ITGB3BP: variants seen among roughly 807,000 people sequenced by gnomAD.
ITGB3BP encodes the protein integrin subunit beta 3 binding protein.
A neutral mutation model predicts 29.1 loss-of-function variants in ITGB3BP; 27 were observed. That is an observed-to-expected ratio of 0.93 (90% CI 0.68 to 1.28). ITGB3BP has a LOEUF of 1.28. Among genes scored for constraint, ITGB3BP ranks in the 50% most tolerant of loss-of-function variants. The pLI is 0.00. For missense variants in ITGB3BP, 192 were observed against 200.2 expected (o/e 0.96, Z 0.25); for synonymous variants, 61 against 61.4 (o/e 0.99, Z 0.03).
At chr1:63,453,187 G>C (rs1453065926) in intron 7 of ITGB3BP, among the ~76,000 whole-genome samples, 2 of 152,142 alleles carry the variant, frequency 1.3e-5, no homozygotes, top group African/African-American at 4.8e-5. Context: ...AAGATTTGCT[G>C]ATCCTAGTAT....
intron 2 of ITGB3BP, among the ~76,000 whole-genome samples, chr1:63,500,711 C>T (rs377313295): frequency 6.6e-6 from 1 of 152,138 alleles, no homozygotes. Context: ...AATTTCCCAA[C>T]TGAATCTGCA....
chr1:63,472,523 C>T (rs1244711535), intron 4 of ITGB3BP, among the ~76,000 whole-genome samples: 1 of 149,002 alleles, frequency 6.7e-6, no homozygotes. Context: ...GATGCCGAGC[C>T]AAAGGTGGAC....
intron 7 of ITGB3BP, chr1:63,449,438 AAAG>A (rs1470238667): frequency 2.6e-5 from 4 of 152,184 alleles, no homozygotes; most frequent in Admixed American, 1.3e-4. Flanking sequence ...TTAAATCATG[AAAG>A]AAATTATTTA....
At chr1:63,462,798 T>C (rs1242166675) in intron 4 of ITGB3BP, among the ~76,000 whole-genome samples, 5 of 152,200 alleles carry the variant, frequency 3.3e-5, no homozygotes, top group Non-Finnish European at 7.3e-5. Flanking sequence ...TTAAATTGCA[T>C]ACATAATGCA....
At chr1:63,508,957 A>G (rs2100775798) in intron 1 of ITGB3BP, among the ~76,000 whole-genome samples, 1 of 152,304 alleles carries the variant, frequency 6.6e-6, no homozygotes, top group African/African-American at 2.4e-5. Context: ...ATACACTTTC[A>G]GTGGAGATGT....
chr1:63,503,895 A>G (rs1646003601), intron 2 of ITGB3BP, among the ~76,000 whole-genome samples: 1 of 152,122 alleles, frequency 6.6e-6, no homozygotes, highest in South Asian at 2.1e-4. Context: ...TACCAGTACC[A>G]TGCTGTTTTG....
At chr1:63,524,826 G>C (rs755209430), upstream of ITGB3BP, among the ~76,000 whole-genome samples, 1 of 152,078 alleles carries the variant, frequency 6.6e-6, no homozygotes, top group African/African-American at 2.4e-5. Context: ...ATACCTGACC[G>C]CTGTAATAGG....
At chr1:63,526,330 A>C (rs1222755333), upstream of ITGB3BP, among the ~76,000 whole-genome samples, 1 of 152,206 alleles carries the variant, frequency 6.6e-6, no homozygotes, top group Non-Finnish European at 1.5e-5. Flanking sequence ...AGGAGTATCA[A>C]ATGATTTGGA....
Position 63,463,560 on chromosome 1 carries a change from A to G in ITGB3BP, c.255-8592T>C, listed in dbSNP as rs146632576. On this transcript the variant is annotated intron_variant, in intron 4 of 8. Transcript: ENST00000271002. ...TTCTCACAATGGCAAGTAAATCTAC[A>G]ATTATCTGAAAATAAAACTTACAGG... Among the ~76,000 whole-genome samples the G allele has an allele frequency of 4.8e-3, 730 of 152,346 alleles. 4 individuals are homozygous for G. The highest frequency in any genetic ancestry group is 8.6e-3 in the Non-Finnish European group (586 of 68,036).
chr1:63,441,361 C>T (rs1294789647), intron 8 of ITGB3BP, among the ~76,000 whole-genome samples: 1 of 152,132 alleles, frequency 6.6e-6, no homozygotes, highest in African/African-American at 2.4e-5. Flanking sequence ...CCTCAGTCTC[C>T]TGAGTAGCTG....
At chr1:63,520,874 T>TATACATATATAACCATAAG (rs1436013056) in intron 1 of ITGB3BP, among the ~76,000 whole-genome samples, 1 of 152,202 alleles carries the variant, frequency 6.6e-6, no homozygotes, top group African/African-American at 2.4e-5. Context: ...CATAAGTAGC[T>TATACATATATAACCATAAG]TATTTTTGCG....
chr1:63,527,016 C>T (rs944296400), upstream of ITGB3BP, among the ~76,000 whole-genome samples: 21 of 152,210 alleles, frequency 1.4e-4, no homozygotes, highest in African/African-American at 2.7e-4. Context: ...CTGCCTGCCT[C>T]GGCCTCCCAA....
chr1:63,500,278 C>T (rs185622221), intron 2 of ITGB3BP, among the ~76,000 whole-genome samples: 279 of 151,826 alleles, frequency 1.8e-3, no homozygotes, highest in Middle Eastern at 3.4e-3. Flanking sequence ...CTTGGAAGGC[C>T]GAGGCAGGAG....
intron 3 of ITGB3BP, among the ~76,000 whole-genome samples, chr1:63,486,767 C>T (rs11811892): frequency 0.2 from 29,730 of 151,822 alleles, 3,211 homozygotes; most frequent in African/African-American, 0.29. Flanking sequence ...AGGTTTCCAG[C>T]ATAGCCCTAA....
chr1:63,457,932 G>GT (rs1038953218), intron 4 of ITGB3BP: 10 of 152,156 alleles, frequency 6.6e-5, no homozygotes, highest in African/African-American at 1.4e-4. Flanking sequence ...TCATCGTAGA[G>GT]TAAAAACCCA....
At chr1:63,527,512 T>C (rs888164683), upstream of ITGB3BP, among the ~76,000 whole-genome samples, 1 of 12,556 alleles carries the variant, frequency 8.0e-5, no homozygotes, top group South Asian at 4.6e-3. Context: ...TTTTGTCAAT[T>C]TATAAATAAT....
chr1:63,473,041 C>G (rs1050472036), intron 4 of ITGB3BP, among the ~76,000 whole-genome samples: 4 of 151,900 alleles, frequency 2.6e-5, no homozygotes, highest in Non-Finnish European at 4.4e-5. Context: ...AGCGCCTCTT[C>G]CCCACCGCCA....
chr1:63,460,411 G>A (rs1644998858), intron 4 of ITGB3BP, among the ~76,000 whole-genome samples: 1 of 152,244 alleles, frequency 6.6e-6, no homozygotes, highest in East Asian at 1.9e-4. Flanking sequence ...TTGTCCTTAT[G>A]TGTCTGGCTT....
chr1:63,450,316 A>T (rs79540687), intron 7 of ITGB3BP, among the ~76,000 whole-genome samples: 3 of 151,964 alleles, frequency 2.0e-5, no homozygotes, highest in African/African-American at 7.2e-5. Context: ...TTTGGACTGA[A>T]GCTAAGTGTC....
Sources: gnomAD v4.1 joint callset for allele counts (sites outside exome capture counted in the v4.1 genomes callset) on GRCh38, gnomAD v4.1.1 for gene constraint, MANE v1.5 for transcripts, NCBI Gene and HGNC (gene_info 2026-07-23, HGNC 2026-07-21) for gene names.